Variants in ZNF438 observed in about 807,000 individuals in gnomAD.
The protein encoded by ZNF438 is zinc finger protein 438.
A neutral mutation model predicts 38.0 loss-of-function variants in ZNF438; 25 were observed. The ratio of observed to expected loss-of-function variants is 0.66; its 90% CI spans 0.48 to 0.92. The LOEUF (loss-of-function observed/expected upper bound fraction) is 0.92. ZNF438 is among the 40% of genes least tolerant of loss of function. The pLI is 0.00. For missense variants in ZNF438, 1,007 were observed against 999.6 expected, an observed-to-expected ratio of 1.01 and a Z score of -0.10; for synonymous variants, 372 against 364.1, an observed-to-expected ratio of 1.02 and a Z score of -0.25.
intron 1 of ZNF438, among the ~76,000 whole-genome samples, chr10:30,972,001 G>A (rs953899212): frequency 2.0e-5 from 3 of 149,282 alleles, no homozygotes; most frequent in African/African-American, 7.4e-5. Context: ...ATGGAGTCTT[G>A]CTCTGTCACC....
chr10:30,961,399 G>C lies in ZNF438; in HGVS notation c.-191-19748C>G, dbSNP rs554226829. On this transcript the variant is annotated intron_variant, in intron 1 of 5. Transcript: ENST00000413025. Reference sequence around the variant, plus strand: ...TAGCCATGAACTCCTGGGCTCAGGCGATCCTTCCGCCCCAGCCTCCTGAGT... The same window carrying C: ...TAGCCATGAACTCCTGGGCTCAGGCCATCCTTCCGCCCCAGCCTCCTGAGT... Among the ~76,000 whole-genome samples the C allele has an allele frequency of 3.4e-5, 5 of 146,508 alleles. No individual in the cohort carries two copies. The Admixed American group carries it at 3.4e-4, about 10-fold the overall frequency.
chr10:31,029,932 G>T (rs1343313411), intron 1 of ZNF438, among the ~76,000 whole-genome samples: 2 of 152,198 alleles, frequency 1.3e-5, no homozygotes, highest in Non-Finnish European at 2.9e-5. Flanking sequence ...CCTGGACTCT[G>T]AAGTCAGACT....
Position 30,881,727 on chromosome 10 carries a change from G to T in ZNF438, c.-31-4662C>A, listed in dbSNP as rs567744296. Among the ~76,000 whole-genome samples, 31 of 152,116 alleles carry T rather than the reference G, an allele frequency of 2.0e-4. No individual in the cohort carries two copies. In the South Asian group the frequency reaches 6.4e-3, roughly 32 times the overall value. On this transcript the variant is annotated intron_variant, in intron 3 of 5. Transcript: ENST00000413025. ...CAGACTAATGCTACTTTAGTTTCAA[G>T]AAAGAGATATATAGATCAATGCAAC... is the stretch of plus-strand genomic sequence containing the variant.
chr10:30,879,847 G>C (rs2038967538), intron 3 of ZNF438, among the ~76,000 whole-genome samples: 1 of 152,060 alleles, frequency 6.6e-6, no homozygotes, highest in Non-Finnish European at 1.5e-5. Flanking sequence ...CCAACTTTAA[G>C]AAGATTAACA....
At chr10:30,875,418 G>T in intron 4 of ZNF438, 1 of 978,098 alleles carries the variant, frequency 1.0e-6, no homozygotes, top group South Asian at 4.7e-5. Context: ...TTTGCCTGGG[G>T]TTCCACAGCT....
At chr10:31,005,414 G>A (rs578202203) in intron 1 of ZNF438, among the ~76,000 whole-genome samples, 5 of 152,066 alleles carry the variant, frequency 3.3e-5, no homozygotes, top group Non-Finnish European at 7.4e-5. Context: ...CACAGAAAAT[G>A]CATGATTTCA....
intron 2 of ZNF438, among the ~76,000 whole-genome samples, chr10:30,922,506 T>C (rs1284039805): frequency 6.6e-6 from 1 of 152,208 alleles, no homozygotes; most frequent in Non-Finnish European, 1.5e-5. Context: ...GCTTCAAGGT[T>C]TTGATAAAAA....
intron 4 of ZNF438, among the ~76,000 whole-genome samples, chr10:30,874,399 C>G (rs7898783): frequency 0.066 from 9,963 of 151,962 alleles, 1,016 homozygotes; most frequent in African/African-American, 0.23. Context: ...ATCCTCCCAC[C>G]TCAGCCTCCC....
intron 4 of ZNF438, among the ~76,000 whole-genome samples, chr10:30,871,791 T>C (rs7905734): frequency 0.45 from 68,191 of 151,970 alleles, 15,821 homozygotes; most frequent in African/African-American, 0.56. Flanking sequence ...ATGGCTGTGG[T>C]TGTGCAGTCA....
intron 1 of ZNF438, among the ~76,000 whole-genome samples, chr10:30,956,569 C>G (rs1206186435): frequency 2.0e-5 from 3 of 152,154 alleles, no homozygotes; most frequent in Non-Finnish European, 4.4e-5. Flanking sequence ...TCTCCTATCT[C>G]TTCCCCACCC....
chr10:30,991,676 G>A (rs1017178105), intron 1 of ZNF438, among the ~76,000 whole-genome samples: 1 of 152,164 alleles, frequency 6.6e-6, no homozygotes, highest in African/African-American at 2.4e-5. Flanking sequence ...TTAAGAAGGT[G>A]CTCATGGCCC....
chr10:30,871,153 G>C (rs1291648838), intron 4 of ZNF438, among the ~76,000 whole-genome samples: 2 of 152,206 alleles, frequency 1.3e-5, no homozygotes, highest in African/African-American at 4.8e-5. Flanking sequence ...ACCCCTGCTT[G>C]GATAGGCAGC....
At chr10:30,870,164 G>T (rs1024572941) in intron 4 of ZNF438, among the ~76,000 whole-genome samples, 2 of 152,142 alleles carry the variant, frequency 1.3e-5, no homozygotes, top group African/African-American at 4.8e-5. Flanking sequence ...TTTTTACAAG[G>T]TGTATTCATA....
At chr10:30,856,541 A>C (rs1257850282) in intron 4 of ZNF438, among the ~76,000 whole-genome samples, 2 of 152,142 alleles carry the variant, frequency 1.3e-5, no homozygotes, top group Admixed American at 6.5e-5. Context: ...CTACACATTT[A>C]CAAGGCCTTT....
At chr10:30,875,525 G>C (rs2038276717) in intron 4 of ZNF438, 1 of 985,442 alleles carries the variant, frequency 1.0e-6, no homozygotes, top group Non-Finnish European at 1.2e-6. Flanking sequence ...ATAAAAAAAG[G>C]TAATACCAGC....
intron 1 of ZNF438, among the ~76,000 whole-genome samples, chr10:30,998,379 G>GA (rs1302785302): frequency 2.0e-5 from 3 of 148,442 alleles, no homozygotes; most frequent in Non-Finnish European, 4.5e-5. Flanking sequence ...TCTCTACTAA[G>GA]AAAAATACAA....
At chr10:30,925,718 C>A (rs902285861) in intron 2 of ZNF438, among the ~76,000 whole-genome samples, 1 of 152,126 alleles carries the variant, frequency 6.6e-6, no homozygotes, top group African/African-American at 2.4e-5. Context: ...GGTTAAGGTT[C>A]CTCAGAAGCA....
intron 3 of ZNF438, among the ~76,000 whole-genome samples, chr10:30,892,816 T>C (rs995203818): frequency 3.9e-5 from 6 of 152,226 alleles, no homozygotes; most frequent in African/African-American, 1.4e-4. Context: ...TGTTCTTTTT[T>C]CACTTAATAT....
chr10:30,863,785 T>C (rs1280051481), intron 4 of ZNF438, among the ~76,000 whole-genome samples: 2 of 152,212 alleles, frequency 1.3e-5, no homozygotes, highest in Non-Finnish European at 1.5e-5. Flanking sequence ...CCTCATATTG[T>C]AGGTTCGCCC....
Sources: gnomAD v4.1 joint callset for allele counts (sites outside exome capture counted in the v4.1 genomes callset) on GRCh38, gnomAD v4.1.1 for gene constraint, MANE v1.5 for transcripts, NCBI Gene and HGNC (gene_info 2026-07-23, HGNC 2026-07-21) for gene names.